Variants in VPS13A observed in about 807,000 individuals in gnomAD.
VPS13A encodes vacuolar protein sorting 13 homolog A, also known as intermembrane lipid transfer protein VPS13A.
VPS13A carries 264 observed loss-of-function variants against 390.9 expected under a neutral mutation model. That is an observed-to-expected ratio of 0.68 (90% CI 0.61 to 0.75). VPS13A has a LOEUF of 0.75. Ranked by LOEUF, VPS13A falls within the 30% of genes least tolerant of loss-of-function variation. VPS13A has a pLI of 0.00. For synonymous variants in VPS13A, 1,231 were observed against 1,227.1 expected (o/e 1.00, Z -0.07); for missense variants, 3,409 against 3,733.9 (o/e 0.91, Z 2.27).
intron 19 of VPS13A, among the ~76,000 whole-genome samples, chr9:77,243,893 T>C (rs188013741): frequency 1.1e-4 from 17 of 152,294 alleles, no homozygotes; most frequent in Admixed American, 1.1e-3. Context: ...TGTAATGAAT[T>C]ATTAACTGTA....
rs1415770227 is a variant in VPS13A, at chr9:77,221,322, A to T, written c.1127A>T (p.Lys376Met). The T allele has an allele frequency of 6.2e-7, 1 of 1,613,240 alleles. No homozygotes were observed. Among genetic ancestry groups the T allele is most frequent in the Non-Finnish European group, 8.5e-7 (1 of 1,179,474 alleles). Residue 376 changes from lysine (K) to methionine (M), a missense_variant, in exon 13 of 72, where the codon AAG (lysine) becomes ATG (methionine). Transcript: ENST00000360280. ...CTGTATAAAAAAAAGTTAACAAGTA[A>T]GAAGCCACCTGGTGAACTTCTCGTG... Reference protein sequence around the residue: ...KELYKKKLTSKKPPGELLVSL... With the variant: ...KELYKKKLTSMKPPGELLVSL...
rs554181778 is a variant in VPS13A at position 77,228,972 on chromosome 9, C to T, written c.1595+708C>T. Among the ~76,000 whole-genome samples the T allele has an allele frequency of 2.0e-5, 3 of 152,290 alleles. No individual in the cohort carries two copies. The South Asian group carries it at 6.2e-4, about 32-fold the overall frequency. On this transcript the variant is annotated intron_variant, in intron 17 of 71. Coordinates refer to ENST00000360280, the MANE Select transcript of VPS13A (RefSeq NM_033305.3). ...GATTCAAATTATCTCCCACCAGGTCCCTCCCACAACACGTGGGAATTATGG... is the reference window on the plus strand; with the variant it reads ...GATTCAAATTATCTCCCACCAGGTCTCTCCCACAACACGTGGGAATTATGG...
chr9:77,389,514 C>T (rs1833822510), intron 68 of VPS13A, among the ~76,000 whole-genome samples: 1 of 152,012 alleles, frequency 6.6e-6, no homozygotes, highest in South Asian at 2.1e-4. Context: ...TGCTATGTGG[C>T]CCGGGCTGGT....
At chr9:77,413,399 A>C (rs1363802539) in intron 71 of VPS13A, among the ~76,000 whole-genome samples, 2 of 152,210 alleles carry the variant, frequency 1.3e-5, no homozygotes, top group African/African-American at 4.8e-5. Context: ...AGAGATATAG[A>C]CCAATGGAAC....
intron 65 of VPS13A, 129 bp downstream of exon 65, chr9:77,370,707 T>TG (rs1832702421): frequency 7.0e-7 from 1 of 1,426,906 alleles, no homozygotes; most frequent in African/African-American, 1.5e-5. Context: ...GAGCAGTGGG[T>TG]GGTAGCATAT....
At chr9:77,343,982 A>G (rs541092501) in intron 50 of VPS13A, among the ~76,000 whole-genome samples, 171 bp from the exon 51 acceptor site, 1 of 152,316 alleles carries the variant, frequency 6.6e-6, no homozygotes, top group East Asian at 1.9e-4. Flanking sequence ...ACAAGTGACA[A>G]TCCATCTTCA....
At chr9:77,335,771 C>A (rs147392280) in intron 46 of VPS13A, among the ~76,000 whole-genome samples, 30 of 152,256 alleles carry the variant, frequency 2.0e-4, no homozygotes, top group Middle Eastern at 3.4e-3. Context: ...TAAATTAGTT[C>A]AAGCATTGTG....
intron 23 of VPS13A, among the ~76,000 whole-genome samples, chr9:77,266,573 TCTCTGTGGCTG>T (rs1826048979): frequency 6.6e-6 from 1 of 152,232 alleles, no homozygotes; most frequent in Non-Finnish European, 1.5e-5. Flanking sequence ...ACCTGACGTT[TCTCTGTGGCTG>T]CCCTTAACAT....
At chr9:77,215,111 G>C (rs1822780166) in intron 10 of VPS13A, among the ~76,000 whole-genome samples, 1 of 152,178 alleles carries the variant, frequency 6.6e-6, no homozygotes, top group South Asian at 2.1e-4. Context: ...CTGCACTCCA[G>C]CCTGGGTGAC....
At chr9:77,340,723 A>T (rs1246015908) in intron 50 of VPS13A, 173 bp downstream of exon 50, 1 of 694,632 alleles carries the variant, frequency 1.4e-6, no homozygotes, top group East Asian at 2.9e-5. Context: ...GGAAGGTTCA[A>T]TTTTTAATAA....
intron 22 of VPS13A, among the ~76,000 whole-genome samples, chr9:77,258,749 AT>A (rs1239698161): frequency 1.3e-5 from 2 of 152,006 alleles, no homozygotes; most frequent in Non-Finnish European, 2.9e-5. Context: ...AAAGTTTTTC[AT>A]TCTGTGATAA....
intron 62 of VPS13A, 101 bp downstream of exon 62, chr9:77,368,237 G>GTT: frequency 3.2e-6 from 3 of 933,582 alleles, no homozygotes; most frequent in Non-Finnish European, 5.0e-6. Flanking sequence ...GAACTAAATA[G>GTT]CCATTTTCAA....
chr9:77,217,501 C>T (rs757872608), intron 10 of VPS13A, among the ~76,000 whole-genome samples: 4 of 152,140 alleles, frequency 2.6e-5, no homozygotes, highest in South Asian at 2.1e-4. Flanking sequence ...ACTGTCATTC[C>T]ATGCTCTATG....
intron 68 of VPS13A, among the ~76,000 whole-genome samples, chr9:77,402,825 A>T (rs1834446176): frequency 6.6e-6 from 1 of 152,218 alleles, no homozygotes; most frequent in African/African-American, 2.4e-5. Flanking sequence ...TTTCTAGCGC[A>T]AGGCAGAAGC....
At chr9:77,199,392 A>G (rs1054294077) in intron 1 of VPS13A, among the ~76,000 whole-genome samples, 52 of 152,190 alleles carry the variant, frequency 3.4e-4, no homozygotes, top group African/African-American at 1.2e-3. Flanking sequence ...TACATGTAAC[A>G]TCCTAATGTT....
At chr9:77,260,583 C>T (rs1564673255) in intron 23 of VPS13A, among the ~76,000 whole-genome samples, 1 of 151,890 alleles carries the variant, frequency 6.6e-6, no homozygotes, top group Non-Finnish European at 1.5e-5. Flanking sequence ...TCTCGGTCTC[C>T]TGGTCTTGTG....
At chr9:77,381,861 G>A (rs559974333) in intron 67 of VPS13A, 115 bp from the exon 68 acceptor site, 1 of 696,252 alleles carries the variant, frequency 1.4e-6, no homozygotes, top group South Asian at 2.1e-5. Context: ...TAAAATTAGA[G>A]AATGTTGTAA....
At chr9:77,231,870 T>C (rs530975871) in intron 17 of VPS13A, among the ~76,000 whole-genome samples, 26 of 152,302 alleles carry the variant, frequency 1.7e-4, no homozygotes, top group African/African-American at 6.0e-4. Flanking sequence ...TTCTAAGAGT[T>C]TTATACTTCT....
chr9:77,328,028 A>G (rs888239199), intron 45 of VPS13A, among the ~76,000 whole-genome samples: 1 of 152,188 alleles, frequency 6.6e-6, no homozygotes, highest in African/African-American at 2.4e-5. Context: ...TAAAAAATGT[A>G]TTTCTTAAAT....
Sources: gnomAD v4.1 joint callset for allele counts (sites outside exome capture counted in the v4.1 genomes callset) on GRCh38, gnomAD v4.1.1 for gene constraint, MANE v1.5 for transcripts, NCBI Gene and HGNC (gene_info 2026-07-23, HGNC 2026-07-21) for gene names.